ROBO2: variants seen among roughly 807,000 people sequenced by gnomAD.
The protein encoded by ROBO2 is roundabout homolog 2.
In ROBO2, 53 loss-of-function variants were observed where a neutral mutation model predicts 160.8. The observed-to-expected ratio is 0.33, with a 90% CI of 0.26 to 0.41. The LOEUF is 0.41. ROBO2 is among the 10% of genes least tolerant of loss of function. The pLI, the probability that ROBO2 is intolerant of heterozygous loss-of-function variation, is 1.00. For missense variants in ROBO2, 1,577 were observed against 1,722.4 expected (o/e 0.92, Z 1.49); for synonymous variants, 664 against 611.7 (o/e 1.09, Z -1.26).
Position 76,119,434 on chromosome 3 carries a change from C to T in ROBO2, c.109+181832C>T, listed in dbSNP as rs1307573428. 4.0e-5 allele frequency among the ~76,000 whole-genome samples: 6 copies of T among 151,710 alleles called. 1 individual carries two copies. Among genetic ancestry groups the T allele is most frequent in the African/African-American group, 1.2e-4 (5 of 41,390 alleles). On this transcript the variant is annotated intron_variant, in intron 2 of 26. Coordinates refer to the ROBO2 transcript ENST00000487694. Reference sequence around the variant, plus strand: ...AATACCAGTGAGATTATGACTCACCCGAAGGTATCATGTCAGAATTACATT... The same window carrying T: ...AATACCAGTGAGATTATGACTCACCTGAAGGTATCATGTCAGAATTACATT...
chr3:76,814,900 A>T (rs1392364479), intron 2 of ROBO2, among the ~76,000 whole-genome samples: 1 of 151,980 alleles, frequency 6.6e-6, no homozygotes, highest in Non-Finnish European at 1.5e-5. Context: ...TGGGGGTGGG[A>T]GAGGAAGTCA....
At chr3:76,896,638 G>A (rs1209367445) in intron 2 of ROBO2, among the ~76,000 whole-genome samples, 1 of 151,924 alleles carries the variant, frequency 6.6e-6, no homozygotes, top group Non-Finnish European at 1.5e-5. Flanking sequence ...ATCTTATCAG[G>A]TACAAGAGCT....
intron 2 of ROBO2, among the ~76,000 whole-genome samples, chr3:77,266,298 A>G (rs2153346585): frequency 6.6e-6 from 1 of 151,830 alleles, no homozygotes; most frequent in Admixed American, 6.6e-5. Context: ...TAACCTTGAT[A>G]TGGACAATCA....
At chr3:76,588,753 T>C (rs1332543098) in intron 2 of ROBO2, among the ~76,000 whole-genome samples, 2 of 152,218 alleles carry the variant, frequency 1.3e-5, no homozygotes, top group Non-Finnish European at 2.9e-5. Flanking sequence ...AAGTGTTAAT[T>C]TGATTACCTA....
chr3:76,364,579 A>T (rs1281264306), intron 2 of ROBO2, among the ~76,000 whole-genome samples: 1 of 151,656 alleles, frequency 6.6e-6, no homozygotes, highest in South Asian at 2.1e-4. Context: ...TCATGAGATT[A>T]AAAAAAATAT....
intron 2 of ROBO2, among the ~76,000 whole-genome samples, chr3:76,855,034 A>G (rs17014821): frequency 0.12 from 18,995 of 152,142 alleles, 1,352 homozygotes; most frequent in East Asian, 0.24. Flanking sequence ...TTTTTGTAGC[A>G]TTCCAACCCT....
chr3:76,922,592 T>C (rs1199011646), intron 2 of ROBO2, among the ~76,000 whole-genome samples: 4 of 152,200 alleles, frequency 2.6e-5, no homozygotes, highest in Admixed American at 2.6e-4. Context: ...AAGAACAGTG[T>C]ACCAGGAAGG....
In ROBO2 at chr3:77,079,237, G is replaced by A. The variant is rs137907365; in HGVS notation, c.62-18777G>A. Among the ~76,000 whole-genome samples, 1,025 of 152,164 alleles carry A rather than the reference G, an allele frequency of 6.7e-3. 8 individuals carry two copies. Among genetic ancestry groups the A allele is most frequent in the African/African-American group, 0.023 (962 of 41,524 alleles). ...GCTGGGATTACACGCGTGAGCCACC[G>A]CACCCAGCTGCTATATTTAATTATT... On this transcript the variant is annotated intron_variant, in intron 1 of 25. Coordinates refer to ENST00000461745, the Ensembl canonical transcript of ROBO2.
intron 5 of ROBO2, among the ~76,000 whole-genome samples, chr3:77,494,393 A>C (rs991662157): frequency 6.6e-6 from 1 of 152,156 alleles, no homozygotes; most frequent in Non-Finnish European, 1.5e-5. Context: ...CCTGACAAAC[A>C]GGGTGAAACC....
chr3:76,161,134 T>C (rs963464908), intron 2 of ROBO2, among the ~76,000 whole-genome samples: 3 of 152,070 alleles, frequency 2.0e-5, no homozygotes, highest in African/African-American at 7.2e-5. Context: ...TTTTGGGTGT[T>C]ACTAAAGTTA....
chr3:75,929,551 T>C (rs1478816470), intron 1 of ROBO2, among the ~76,000 whole-genome samples: 1 of 152,184 alleles, frequency 6.6e-6, no homozygotes, highest in Non-Finnish European at 1.5e-5. Flanking sequence ...GAGGTGGTTG[T>C]TCTTGGTTCC....
chr3:77,457,496 C>A (rs900773794), intron 2 of ROBO2, among the ~76,000 whole-genome samples: 12 of 151,960 alleles, frequency 7.9e-5, no homozygotes, highest in African/African-American at 2.7e-4. Flanking sequence ...TGTTAAAATG[C>A]CTATATATAA....
chr3:77,405,858 T>C (rs2076210989), intron 2 of ROBO2, among the ~76,000 whole-genome samples: 4 of 152,192 alleles, frequency 2.6e-5, no homozygotes. Flanking sequence ...AAATATTTAC[T>C]ATCTGACCCA....
chr3:76,010,969 G>A (rs1379528970), intron 2 of ROBO2, among the ~76,000 whole-genome samples: 2 of 152,098 alleles, frequency 1.3e-5, no homozygotes, highest in Non-Finnish European at 2.9e-5. Context: ...GAAAAGAGAA[G>A]ACCCCCAGAG....
chr3:77,101,426 A>G (rs1394135658), intron 2 of ROBO2, among the ~76,000 whole-genome samples: 1 of 152,182 alleles, frequency 6.6e-6, no homozygotes, highest in Admixed American at 6.5e-5. Context: ...GTATTGTTTG[A>G]CATACCAATG....
intron 2 of ROBO2, among the ~76,000 whole-genome samples, chr3:76,405,520 G>C (rs13321985): frequency 0.19 from 28,289 of 151,650 alleles, 3,119 homozygotes; most frequent in African/African-American, 0.3. Context: ...AGTAAATCTG[G>C]TCATCAGTCC....
intron 2 of ROBO2, among the ~76,000 whole-genome samples, chr3:77,142,228 A>G (rs998356926): frequency 6.6e-6 from 1 of 152,226 alleles, no homozygotes; most frequent in Admixed American, 6.5e-5. Context: ...AAGAGAATCC[A>G]TTTATCAAGG....
At chr3:77,219,537 ATG>A (rs1249904850) in intron 2 of ROBO2, among the ~76,000 whole-genome samples, 5 of 145,138 alleles carry the variant, frequency 3.4e-5, no homozygotes, top group Middle Eastern at 3.3e-3. Flanking sequence ...ATATATATAT[ATG>A]TCACCTGAGT....
rs114764305 is a variant in ROBO2 at position 76,790,869 on chromosome 3, A to G, written c.110-307145A>G. ...ATAGATCTGGGTTCTTTTCAGCCCT[A>G]TCACTTACTACTTGTGTGATCTTAG... On this transcript the variant is annotated intron_variant, in intron 2 of 26. Coordinates refer to the ROBO2 transcript ENST00000487694. 7.6e-3 allele frequency among the ~76,000 whole-genome samples: 1,160 copies of G among 151,850 alleles called. 23 individuals are homozygous for G. The highest frequency in any genetic ancestry group is 0.026 in the African/African-American group (1,094 of 41,500).
Sources: gnomAD v4.1 joint callset for allele counts (sites outside exome capture counted in the v4.1 genomes callset) on GRCh38, gnomAD v4.1.1 for gene constraint, MANE v1.5 for transcripts, NCBI Gene and HGNC (gene_info 2026-07-23, HGNC 2026-07-21) for gene names.